Variants in TLN2 observed in about 807,000 individuals in gnomAD.
TLN2 encodes the protein talin-2.
TLN2 carries 118 observed loss-of-function variants against 294.7 expected under a neutral mutation model. That is an observed-to-expected ratio of 0.40 (90% CI 0.34 to 0.47). TLN2 has a LOEUF of 0.47. Among genes scored for constraint, TLN2 ranks in the 20% least tolerant of loss-of-function variants. The pLI, the probability that TLN2 is intolerant of heterozygous loss-of-function variation, is 0.84. For missense variants in TLN2, 3,083 were observed against 3,282.2 expected (o/e 0.94, Z 1.48); for synonymous variants, 1,431 against 1,304.5 (o/e 1.10, Z -2.09).
intron 50 of TLN2, among the ~76,000 whole-genome samples, chr15:62,803,292 T>C (rs2066056086): frequency 6.6e-6 from 1 of 152,242 alleles, no homozygotes; most frequent in African/African-American, 2.4e-5. Context: ...TTAAATTCCT[T>C]GCAGTAGTCT....
intron 50 of TLN2, among the ~76,000 whole-genome samples, chr15:62,803,732 T>C (rs1319990018): frequency 6.6e-6 from 1 of 152,226 alleles, no homozygotes; most frequent in Non-Finnish European, 1.5e-5. Flanking sequence ...GAATCTGAGT[T>C]TCCTCAGCAC....
At chr15:62,554,478 A>C (rs186999547) in intron 1 of TLN2, among the ~76,000 whole-genome samples, 5 of 151,898 alleles carry the variant, frequency 3.3e-5, no homozygotes, top group Admixed American at 2.6e-4. Flanking sequence ...AAGAGATACT[A>C]AAATGTTCAC....
intron 1 of TLN2, among the ~76,000 whole-genome samples, chr15:62,391,099 G>A (rs1369538965): frequency 1.3e-5 from 2 of 152,190 alleles, no homozygotes; most frequent in African/African-American, 2.4e-5. Context: ...GTGTCCCCTC[G>A]ACCCCAGCCG....
intron 11 of TLN2, among the ~76,000 whole-genome samples, chr15:62,685,588 T>G (rs1458138174): frequency 6.6e-6 from 1 of 152,210 alleles, no homozygotes; most frequent in Non-Finnish European, 1.5e-5. Flanking sequence ...TATCTTAAGC[T>G]TTCATCACTA....
At position 62,840,466 on chromosome 15, in the gene TLN2, G is replaced by A. The variant is rs751149673; in HGVS notation, c.7501-16G>A. ...ACAAAGTGTTAGGTCCATCCAGCTT[G>A]TTGCTTTCTTTCTAGATCATCGCCG... On this transcript the variant is annotated splice_polypyrimidine_tract_variant and intron_variant, in intron 58 of 58. Transcript: ENST00000636159. 3.7e-6 allele frequency: 6 copies of A among 1,613,960 alleles called. No homozygotes were observed. The Middle Eastern group carries it at 5.0e-4, about 133-fold the overall frequency.
At chr15:62,701,895 G>A (rs1277398866) in intron 17 of TLN2, 97 bp from the exon 18 acceptor site, 6 of 1,359,490 alleles carry the variant, frequency 4.4e-6, no homozygotes, top group Non-Finnish European at 6.1e-6. Flanking sequence ...ACTCCTGCAG[G>A]ATGGTAGGTG....
intron 4 of TLN2, among the ~76,000 whole-genome samples, chr15:62,647,957 G>A (rs1425209016): frequency 3.3e-5 from 5 of 152,096 alleles, no homozygotes; most frequent in Admixed American, 3.3e-4. Context: ...ACTCATCCCC[G>A]TTAATCTGAG....
chr15:62,605,518 A>G (rs76520679), intron 2 of TLN2, among the ~76,000 whole-genome samples: 2,978 of 152,248 alleles, frequency 0.02, 62 homozygotes, highest in South Asian at 0.069. Context: ...CTGAGCTTCC[A>G]GTCTACTCCC....
intron 1 of TLN2, among the ~76,000 whole-genome samples, chr15:62,420,265 AT>A (rs2140270277): frequency 6.6e-6 from 1 of 152,326 alleles, no homozygotes; most frequent in African/African-American, 2.4e-5. Flanking sequence ...TTTGTGTTAA[AT>A]ATTTTCATAG....
At position 62,833,645 on chromosome 15, in the gene TLN2, G is replaced by A; in HGVS notation, c.7128+16G>A. The A allele has an allele frequency of 6.2e-7, 1 of 1,612,708 alleles. No individual in the cohort carries two copies. The highest frequency in any genetic ancestry group is 1.1e-5 in the South Asian group (1 of 90,900). On this transcript the variant is annotated intron_variant, in intron 55 of 58. Transcript: ENST00000636159. ...CCAAGGAAAGGTGGGTAAAGCCGCT[G>A]ACCACATGCGGGACACTCAACGTAC... is the stretch of plus-strand genomic sequence containing the variant.
intron 37 of TLN2, 22 bp from the exon 38 acceptor site, chr15:62,761,659 T>A: frequency 6.2e-7 from 1 of 1,613,880 alleles, no homozygotes; most frequent in Non-Finnish European, 8.5e-7. Flanking sequence ...TTGGGCAGAA[T>A]CTCCCTGTTT....
intron 1 of TLN2, among the ~76,000 whole-genome samples, chr15:62,406,484 A>G (rs2140245732): frequency 6.6e-6 from 1 of 152,334 alleles, no homozygotes; most frequent in East Asian, 1.9e-4. Flanking sequence ...GCAGAGTAGC[A>G]CTACCCCACA....
intron 1 of TLN2, among the ~76,000 whole-genome samples, chr15:62,544,791 C>T (rs2041897996): frequency 6.6e-6 from 1 of 150,586 alleles, no homozygotes; most frequent in Admixed American, 6.6e-5. Flanking sequence ...CCTAGAATGG[C>T]AGGTTCTAAT....
intron 41 of TLN2, among the ~76,000 whole-genome samples, chr15:62,770,321 G>A (rs1034459163): frequency 6.6e-6 from 1 of 152,226 alleles, no homozygotes; most frequent in Non-Finnish European, 1.5e-5. Flanking sequence ...GCTGGTAGGC[G>A]AGCTTTAGTG....
chr15:62,489,708 C>T (rs558403297), intron 1 of TLN2, among the ~76,000 whole-genome samples: 7 of 152,266 alleles, frequency 4.6e-5, no homozygotes, highest in African/African-American at 1.4e-4. Context: ...GGCATGTGAT[C>T]GCAGAGACCA....
At chr15:62,809,237 C>G (rs2066505983) in intron 51 of TLN2, among the ~76,000 whole-genome samples, 1 of 152,128 alleles carries the variant, frequency 6.6e-6, no homozygotes. Flanking sequence ...GAATGGGTAT[C>G]CCTTCAGAAA....
At chr15:62,706,751 C>T (rs2059100189) in intron 19 of TLN2, among the ~76,000 whole-genome samples, 1 of 152,168 alleles carries the variant, frequency 6.6e-6, no homozygotes, top group Non-Finnish European at 1.5e-5. Context: ...CCTGATCTAC[C>T]ATATCAGCCA....
At chr15:62,581,817 G>T (rs1262581290) in intron 1 of TLN2, among the ~76,000 whole-genome samples, 2 of 152,090 alleles carry the variant, frequency 1.3e-5, no homozygotes, top group Non-Finnish European at 1.5e-5. Context: ...GCCGAGGCAG[G>T]CAGATCACCT....
At chr15:62,741,402 C>G (rs549298866) in intron 32 of TLN2, among the ~76,000 whole-genome samples, 2 of 152,292 alleles carry the variant, frequency 1.3e-5, no homozygotes, top group East Asian at 3.9e-4. Flanking sequence ...AGTATAGTTT[C>G]TGCTCCAGGG....
Sources: allele counts gnomAD v4.1 joint callset (sites outside exome capture counted in the v4.1 genomes callset), GRCh38; gene constraint gnomAD v4.1.1; transcripts MANE v1.5; gene names NCBI Gene and HGNC (gene_info 2026-07-23, HGNC 2026-07-21).